The following ZNF407 variants were observed in gnomAD, a reference collection of about 807,000 sequenced individuals.
ZNF407 encodes zinc finger protein 407.
A neutral mutation model predicts 131.2 loss-of-function variants in ZNF407; 17 were observed. That is an observed-to-expected ratio of 0.13 (90% CI 0.09 to 0.19). The LOEUF (loss-of-function observed/expected upper bound fraction) is 0.19. ZNF407 is among the 10% of genes least tolerant of loss of function. The pLI, the probability that ZNF407 is intolerant of heterozygous loss-of-function variation, is 1.00. For missense variants in ZNF407, 2,681 were observed against 2,830.6 expected, an observed-to-expected ratio of 0.95 and a Z score of 1.20; for synonymous variants, 1,156 against 1,062.0, an observed-to-expected ratio of 1.09 and a Z score of -1.72.
chr18:74,671,173 G>A (rs567464912), intron 3 of ZNF407, among the ~76,000 whole-genome samples: 1 of 152,264 alleles, frequency 6.6e-6, no homozygotes, highest in South Asian at 2.1e-4. Flanking sequence ...TCAATTCTAG[G>A]TGCCTCATGG....
At chr18:74,627,717 A>G (rs1031283636) in intron 1 of ZNF407, among the ~76,000 whole-genome samples, 3 of 152,264 alleles carry the variant, frequency 2.0e-5, no homozygotes, top group South Asian at 4.2e-4. Flanking sequence ...AAGGTTGGAA[A>G]GAGCTTGTGT....
rs1371751388 is a variant in ZNF407 at position 75,064,254 on chromosome 18, G to A, written c.6533G>A (p.Gly2178Glu). The change falls in exon 9 of 9, where the codon GGG becomes GAG. Residue 2178 changes from glycine (G) to glutamate (E), a missense_variant. Gly to Glu is a moderately conservative substitution (Grantham distance 98, BLOSUM62 -2). Around this residue, in one of 6 missense-constraint regions of ZNF407, gnomAD observed 620 missense variants for 583.1 expected, o/e 1.06. Coordinates refer to ENST00000299687, the MANE Select transcript of ZNF407 (RefSeq NM_017757.3). ...TACATCCTGACAGAGCTGCCCCCAG[G>A]GGTGCAGGACGAGCCGGGCCTGTAC... Reference protein sequence around the residue: ...THYILTELPPGVQDEPGLYSH... With the variant: ...THYILTELPPEVQDEPGLYSH... 1 of 1,606,868 alleles carries A rather than the reference G, an allele frequency of 6.2e-7. No homozygotes were observed. Among genetic ancestry groups the A allele is most frequent in the South Asian group, 1.1e-5 (1 of 90,332 alleles).
At chr18:74,779,394 G>C in intron 3 of ZNF407, among the ~76,000 whole-genome samples, 1 of 151,902 alleles carries the variant, frequency 6.6e-6, no homozygotes, top group Non-Finnish European at 1.5e-5. Flanking sequence ...GATTACAGGC[G>C]TGAGCCACCG....
chr18:74,786,327 CT>C (rs1224697072), intron 4 of ZNF407, among the ~76,000 whole-genome samples: 5 of 152,196 alleles, frequency 3.3e-5, no homozygotes, highest in Admixed American at 3.3e-4. Flanking sequence ...CTGATATATT[CT>C]TCATGGGCTC....
chr18:74,739,975 C>A (rs773795445), intron 3 of ZNF407, among the ~76,000 whole-genome samples: 4 of 152,118 alleles, frequency 2.6e-5, no homozygotes, highest in Non-Finnish European at 4.4e-5. Flanking sequence ...AGTCAGTGTT[C>A]TGGAGAAAAT....
intron 4 of ZNF407, among the ~76,000 whole-genome samples, chr18:74,832,532 A>G (rs572821331): frequency 2.0e-5 from 3 of 151,858 alleles, no homozygotes; most frequent in South Asian, 2.1e-4. Context: ...ATAGCTCCCT[A>G]TAGCCTTAAA....
At chr18:74,834,050 T>C (rs891849941) in intron 4 of ZNF407, among the ~76,000 whole-genome samples, 1 of 152,224 alleles carries the variant, frequency 6.6e-6, no homozygotes, top group Non-Finnish European at 1.5e-5. Context: ...TTGCATAGAA[T>C]TAAATCCTGA....
intron 8 of ZNF407, among the ~76,000 whole-genome samples, chr18:75,031,558 T>C (rs1973240791): frequency 6.6e-6 from 1 of 152,254 alleles, no homozygotes; most frequent in Admixed American, 6.5e-5. Context: ...ATGAAACTGC[T>C]TGTGTACTAA....
At chr18:75,055,316 C>T (rs1311210127) in intron 8 of ZNF407, among the ~76,000 whole-genome samples, 2 of 152,160 alleles carry the variant, frequency 1.3e-5, no homozygotes, top group Non-Finnish European at 2.9e-5. Flanking sequence ...CACCTGAGTT[C>T]GATTTCCAAA....
chr18:74,805,597 G>A (rs1459986171), intron 4 of ZNF407, among the ~76,000 whole-genome samples: 2 of 152,138 alleles, frequency 1.3e-5, no homozygotes, highest in Non-Finnish European at 2.9e-5. Context: ...AAAAATATAA[G>A]AATGTTATCA....
At chr18:74,982,864 A>G (rs536982755) in intron 8 of ZNF407, among the ~76,000 whole-genome samples, 2 of 152,332 alleles carry the variant, frequency 1.3e-5, no homozygotes, top group East Asian at 3.9e-4. Flanking sequence ...TAAAAAATTG[A>G]TGAATTGGAA....
At chr18:74,715,479 G>T (rs140665034) in intron 3 of ZNF407, among the ~76,000 whole-genome samples, 1 of 152,174 alleles carries the variant, frequency 6.6e-6, no homozygotes, top group East Asian at 1.9e-4. Context: ...CTGGTGACTG[G>T]AGATGCCTTG....
chr18:75,011,938 T>A (rs1972978797), intron 8 of ZNF407, among the ~76,000 whole-genome samples: 1 of 152,148 alleles, frequency 6.6e-6, no homozygotes, highest in African/African-American at 2.4e-5. Flanking sequence ...CTAGTAAAAT[T>A]TACATAGTCA....
rs374843739 is a variant in ZNF407, at chr18:74,877,376, G to A, written c.5044+13G>A. The A allele has an allele frequency of 9.9e-6, 16 of 1,608,728 alleles. No individual in the cohort carries two copies. Among genetic ancestry groups the A allele is most frequent in the African/African-American group, 4.0e-5 (3 of 74,846 alleles). ...AGGACGCACACAGGTGTGCCGCGCCGCCTTCCTATCCCAGGAGGCTGGGCA... is the reference window on the plus strand; with the variant it reads ...AGGACGCACACAGGTGTGCCGCGCCACCTTCCTATCCCAGGAGGCTGGGCA... On this transcript the variant is annotated intron_variant, in intron 5 of 8. Coordinates refer to ENST00000299687, the MANE Select transcript of ZNF407 (RefSeq NM_017757.3).
chr18:74,970,733 G>A (rs1972463162), intron 8 of ZNF407, among the ~76,000 whole-genome samples: 2 of 152,194 alleles, frequency 1.3e-5, no homozygotes, highest in Non-Finnish European at 1.5e-5. Flanking sequence ...CCAGGTGCAC[G>A]GTTCAAGCTG....
chr18:74,887,366 A>G (rs1023979317), intron 6 of ZNF407, among the ~76,000 whole-genome samples: 4 of 152,186 alleles, frequency 2.6e-5, no homozygotes, highest in Non-Finnish European at 5.9e-5. Context: ...TTGGGGTACT[A>G]TAGATGGGAT....
At chr18:74,955,255 G>C (rs1972262543) in intron 8 of ZNF407, among the ~76,000 whole-genome samples, 1 of 152,196 alleles carries the variant, frequency 6.6e-6, no homozygotes, top group South Asian at 2.1e-4. Context: ...ACATCTCGGG[G>C]AGCCACTGGG....
chr18:74,785,730 G>C (rs549506713), intron 4 of ZNF407, among the ~76,000 whole-genome samples: 4 of 152,090 alleles, frequency 2.6e-5, no homozygotes, highest in Admixed American at 6.5e-5. Flanking sequence ...CTGTGGAAAA[G>C]CGCATGCACC....
chr18:75,053,934 G>C (rs928529345), intron 8 of ZNF407, among the ~76,000 whole-genome samples: 13 of 152,210 alleles, frequency 8.5e-5, no homozygotes, highest in Admixed American at 1.3e-4. Context: ...GCACCTGGCA[G>C]CCTTGCCCAG....
Sources: allele counts gnomAD v4.1 joint callset (sites outside exome capture counted in the v4.1 genomes callset), GRCh38; gene constraint gnomAD v4.1.1; regional missense constraint gnomAD v4.1.1; transcripts MANE v1.5; gene names NCBI Gene and HGNC (gene_info 2026-07-23, HGNC 2026-07-21).